The following NNMT variants were observed in gnomAD, a reference collection of about 807,000 sequenced individuals.
The protein encoded by NNMT is nicotinamide N-methyltransferase.
Under a neutral mutation model 11.7 loss-of-function variants are expected in NNMT, and 10 were observed. The ratio of observed to expected loss-of-function variants is 0.85; its 90% CI spans 0.53 to 1.45. The LOEUF is 1.45. Ranked by LOEUF, NNMT falls within the 40% of genes most tolerant of loss-of-function variation. The probability of loss-of-function intolerance (pLI) is 0.00; values close to 1 mark genes in which losing one functional copy is unlikely to be tolerated. For synonymous variants in NNMT, 143 were observed against 133.8 expected (o/e 1.07, Z -0.48); for missense variants, 381 against 319.4 (o/e 1.19, Z -1.47).
intron 2 of NNMT, among the ~76,000 whole-genome samples, chr11:114,267,066 A>C (rs1193006963): frequency 2.6e-5 from 4 of 152,178 alleles, no homozygotes; most frequent in Admixed American, 6.5e-5. Flanking sequence ...GGAGTTCGAG[A>C]CCAGCCTGGC....
intron 1 of NNMT, among the ~76,000 whole-genome samples, 185 bp downstream of exon 1, chr11:114,296,895 C>T (rs1945386303): frequency 6.6e-6 from 1 of 152,092 alleles, no homozygotes; most frequent in Non-Finnish European, 1.5e-5. Context: ...CTTTTGTATC[C>T]ACTGTCTCAC....
intron 2 of NNMT, among the ~76,000 whole-genome samples, chr11:114,273,634 G>A (rs1015195382): frequency 6.6e-6 from 1 of 152,148 alleles, no homozygotes; most frequent in Non-Finnish European, 1.5e-5. Flanking sequence ...GAGGTCAGGA[G>A]TTCAAGTCCA....
At chr11:114,295,227 T>C (rs2135268422), upstream of NNMT, among the ~76,000 whole-genome samples, 1 of 152,262 alleles carries the variant, frequency 6.6e-6, no homozygotes, top group East Asian at 1.9e-4. Flanking sequence ...GGCAACATTG[T>C]TTATCTCCTA....
chr11:114,280,247 G>T (rs1358436973), intron 2 of NNMT, among the ~76,000 whole-genome samples: 3 of 152,150 alleles, frequency 2.0e-5, no homozygotes, highest in Non-Finnish European at 4.4e-5. Flanking sequence ...AAAGTAGAAA[G>T]AATGGCACTG....
At chr11:114,295,486 G>A (rs189741365), upstream of NNMT, among the ~76,000 whole-genome samples, 4 of 141,922 alleles carry the variant, frequency 2.8e-5, no homozygotes, top group Admixed American at 2.9e-4. Context: ...GTGCAGTGGC[G>A]CCATCTTGGC....
Position 114,312,812 on chromosome 11 carries a change from T to A in NNMT, c.*335T>A. ...CAGAGAAGTGTCTGCAGTTACTCAC[T>A]ATTAGTTTCCTAAGGGGGCACTGCT... On this transcript the variant is annotated 3_prime_UTR_variant, in exon 3 of 3. Transcript: ENST00000299964. 1 of 247,528 alleles carries A rather than the reference T, an allele frequency of 4.0e-6. No homozygotes were observed. The highest frequency in any genetic ancestry group is 7.6e-5 in the East Asian group (1 of 13,156). The allele number at this position is 247,528 out of a possible 1,614,324, so 15.3% of individuals were successfully genotyped here. A position where few individuals can be genotyped will look rare whatever the true frequency, so the allele number is the denominator to read the frequency against.
intron 2 of NNMT, among the ~76,000 whole-genome samples, chr11:114,309,964 T>G (rs1349119364): frequency 6.6e-6 from 1 of 152,242 alleles, no homozygotes; most frequent in Non-Finnish European, 1.5e-5. Context: ...GAATTTCATT[T>G]CTTTTTGTTG....
Position 114,298,710 on chromosome 11 carries a change from C to A in NNMT, c.362+552C>A, listed in dbSNP as rs561702721. Reference sequence around the variant, plus strand: ...TTACTTGAAAAGAATTTATTAATCACCATCCATGAAAGTAGACTTTGTATA... The same window carrying A: ...TTACTTGAAAAGAATTTATTAATCAACATCCATGAAAGTAGACTTTGTATA... On this transcript the variant is annotated intron_variant, in intron 2 of 2. Transcript: ENST00000299964. Among the ~76,000 whole-genome samples the A allele has an allele frequency of 5.1e-4, 78 of 152,334 alleles. No individual in the cohort carries two copies. In the South Asian group the frequency reaches 0.015, roughly 30 times the overall value.
chr11:114,312,325 C>A lies in NNMT; in HGVS notation c.643C>A (p.Pro215Thr). 1 of 1,614,228 alleles carries A rather than the reference C, an allele frequency of 6.2e-7. No individual in the cohort carries two copies. The highest frequency in any genetic ancestry group is 1.1e-5 in the South Asian group (1 of 91,084). ...MIGEQKFSSL[P>T]LGREAVEAAV... The stretch of plus-strand genomic sequence containing the variant: ...TGGTGAGCAGAAGTTCTCCAGCCTC[C>A]CCCTGGGCCGGGAGGCAGTAGAGGC... The change falls in exon 3 of 3, where the codon CCC (proline) becomes ACC (threonine). Residue 215 changes from proline to threonine, a missense_variant. Coordinates refer to ENST00000299964, the MANE Select transcript of NNMT (RefSeq NM_006169.3).
upstream of NNMT, among the ~76,000 whole-genome samples, chr11:114,293,613 G>A (rs1205093527): frequency 1.3e-5 from 2 of 149,178 alleles, no homozygotes; most frequent in East Asian, 4.1e-4. Flanking sequence ...AGTTAAAATG[G>A]CTTTTATCCA....
intron 2 of NNMT, among the ~76,000 whole-genome samples, chr11:114,282,760 A>C (rs868601985): frequency 6.6e-6 from 1 of 152,186 alleles, no homozygotes; most frequent in Non-Finnish European, 1.5e-5. Context: ...TTAGAGCCAC[A>C]CAATGGAAGA....
At chr11:114,269,898 C>T (rs556379408) in intron 2 of NNMT, among the ~76,000 whole-genome samples, 1 of 151,880 alleles carries the variant, frequency 6.6e-6, no homozygotes, top group Non-Finnish European at 1.5e-5. Context: ...TATTAATTAT[C>T]TTCTGTTATT....
chr11:114,260,991 A>C (rs1352345980), intron 1 of NNMT, among the ~76,000 whole-genome samples: 2 of 152,216 alleles, frequency 1.3e-5, no homozygotes, highest in Non-Finnish European at 2.9e-5. Context: ...TCCTCAGGAC[A>C]ATTGTGAAGC....
rs533390100 is a variant in NNMT at position 114,283,521 on chromosome 11, G to A, written c.-129-12907G>A. 2.0e-5 allele frequency among the ~76,000 whole-genome samples: 3 copies of A among 152,270 alleles called. No individual in the cohort carries two copies. In the South Asian group the frequency reaches 6.2e-4, roughly 32 times the overall value. Reference sequence around the variant, plus strand: ...ATGAGAGTGGAAAATAAAAGGGGAGGAAGAAAATATAATCATATGAGTGAA... The same window carrying A: ...ATGAGAGTGGAAAATAAAAGGGGAGAAAGAAAATATAATCATATGAGTGAA... On this transcript the variant is annotated intron_variant, in intron 2 of 4. Transcript: ENST00000535401.
chr11:114,269,270 T>G (rs966731093), intron 2 of NNMT, among the ~76,000 whole-genome samples: 2 of 152,170 alleles, frequency 1.3e-5, no homozygotes, highest in Non-Finnish European at 2.9e-5. Context: ...CCCATTTAAC[T>G]TCTGTTCTCC....
chr11:114,265,797 A>G (rs547799307), intron 2 of NNMT, among the ~76,000 whole-genome samples: 3 of 152,176 alleles, frequency 2.0e-5, no homozygotes, highest in Non-Finnish European at 2.9e-5. Flanking sequence ...CCCATTAACC[A>G]TGATTAAAGT....
At chr11:114,279,195 A>T (rs898780457) in intron 2 of NNMT, among the ~76,000 whole-genome samples, 1 of 152,198 alleles carries the variant, frequency 6.6e-6, no homozygotes, top group South Asian at 2.1e-4. Context: ...TGATACTGAC[A>T]TGTACAAGGC....
chr11:114,288,256 T>C (rs1471793127), intron 2 of NNMT, among the ~76,000 whole-genome samples: 1 of 152,136 alleles, frequency 6.6e-6, no homozygotes, highest in Non-Finnish European at 1.5e-5. Flanking sequence ...TGAATGAAAT[T>C]GGTATTTGTT....
chr11:114,278,867 C>G (rs996699392), intron 2 of NNMT, among the ~76,000 whole-genome samples: 2 of 152,114 alleles, frequency 1.3e-5, no homozygotes, highest in Non-Finnish European at 2.9e-5. Context: ...CAGGAGTGTG[C>G]AGCCAGAAAG....
Sources: allele counts gnomAD v4.1 joint callset (sites outside exome capture counted in the v4.1 genomes callset), GRCh38; gene constraint gnomAD v4.1.1; transcripts MANE v1.5; gene names NCBI Gene and HGNC (gene_info 2026-07-23, HGNC 2026-07-21).